The following COPA variants were observed in gnomAD, a reference collection of about 807,000 sequenced individuals.
COPA encodes coat protein complex I subunit alpha, also known as coatomer subunit alpha.
Under a neutral mutation model 158.7 loss-of-function variants are expected in COPA, and 10 were observed. The ratio of observed to expected loss-of-function variants is 0.06; its 90% confidence interval spans 0.04 to 0.11. The LOEUF is 0.11. COPA is among the 10% of genes least tolerant of loss of function. The pLI is 1.00. For missense variants in COPA, 1,065 were observed against 1,536.7 expected (o/e 0.69, Z 5.13); for synonymous variants, 462 against 542.8 (o/e 0.85, Z 2.07).
chr1:160,315,840 G>A (rs927306484), intron 8 of COPA, among the ~76,000 whole-genome samples: 1 of 152,010 alleles, frequency 6.6e-6, no homozygotes, highest in Admixed American at 6.6e-5. Flanking sequence ...AATTAAAACT[G>A]GTAGTTTAAA....
chr1:160,308,749 G>C (rs1488097937), intron 13 of COPA, among the ~76,000 whole-genome samples: 1 of 152,160 alleles, frequency 6.6e-6, no homozygotes, highest in East Asian at 1.9e-4. Context: ...CCTAGTCCCA[G>C]GATGAGGCAT....
intron 6 of COPA, among the ~76,000 whole-genome samples, chr1:160,325,860 A>G (rs1659474920): frequency 6.6e-6 from 1 of 152,210 alleles, no homozygotes; most frequent in African/African-American, 2.4e-5. Flanking sequence ...CTCCCTTAAC[A>G]CTTAAACAGA....
rs781156887 is a variant in COPA at position 160,292,216 on chromosome 1, G to T, written c.2961-18C>A. On this transcript the variant is annotated intron_variant, in intron 28 of 32. Transcript: ENST00000241704. Reference sequence around the variant, plus strand: ...CATCCTTCCTGGAAAGGGAAAAGTAGGAAGAAGACAGGATAGTCAGTAGGC... The same window carrying T: ...CATCCTTCCTGGAAAGGGAAAAGTATGAAGAAGACAGGATAGTCAGTAGGC... The T allele has an allele frequency of 1.0e-5, 16 of 1,606,166 alleles. No individual in the cohort carries two copies. Among genetic ancestry groups the T allele is most frequent in the African/African-American group, 4.0e-5 (3 of 74,660 alleles).
At chr1:160,327,772 C>G (rs1248825631) in intron 6 of COPA, among the ~76,000 whole-genome samples, 1 of 151,944 alleles carries the variant, frequency 6.6e-6, no homozygotes, top group East Asian at 1.9e-4. Flanking sequence ...GCAGGAGAAT[C>G]ACTTGAACCC....
intron 8 of COPA, among the ~76,000 whole-genome samples, chr1:160,320,112 G>A (rs1350125408): frequency 6.6e-6 from 1 of 151,952 alleles, no homozygotes; most frequent in Non-Finnish European, 1.5e-5. Context: ...TGAAAAGATA[G>A]TATCAACAAA....
chr1:160,318,730 A>G (rs1659241031), intron 8 of COPA, among the ~76,000 whole-genome samples: 1 of 152,048 alleles, frequency 6.6e-6, no homozygotes, highest in African/African-American at 2.4e-5. Context: ...AGTTAAATGT[A>G]TAATTTCTGA....
chr1:160,291,472 T>C lies in COPA; in HGVS notation c.3283A>G (p.Asn1095Asp). 1 of 1,613,886 alleles carries C rather than the reference T, an allele frequency of 6.2e-7. No individual in the cohort carries two copies. The highest frequency in any genetic ancestry group is 8.5e-7 in the Non-Finnish European group (1 of 1,179,850). The change falls in exon 31 of 33, where the codon AAC becomes GAC. Residue 1095 changes from asparagine (N) to aspartate (D), a missense_variant. Asn to Asp is a conservative substitution (Grantham distance 23). Transcript: ENST00000241704. ...AGGATCATGTGCACAGGCTGCAGGT[T>C]TGAGTGGGTGAAATAGGCTGCCATC... ...CEMAAYFTHS[N>D]LQPVHMILVL...
chr1:160,327,564 A>T (rs1329733533), intron 6 of COPA, among the ~76,000 whole-genome samples: 1 of 150,246 alleles, frequency 6.7e-6, no homozygotes, highest in Non-Finnish European at 1.5e-5. Flanking sequence ...GTCTCAAATT[A>T]AAAAAAAAGG....
chr1:160,298,147 C>A (rs1658475976), intron 19 of COPA, among the ~76,000 whole-genome samples: 1 of 151,292 alleles, frequency 6.6e-6, no homozygotes, highest in Middle Eastern at 3.2e-3. Flanking sequence ...TGCCATTGCA[C>A]TCCAGCCTGG....
intron 7 of COPA, among the ~76,000 whole-genome samples, chr1:160,324,199 T>C (rs1357428655): frequency 2.6e-5 from 4 of 151,982 alleles, no homozygotes; most frequent in African/African-American, 9.7e-5. Context: ...CTCAGTCTGG[T>C]CTTGAAGGAG....
intron 8 of COPA, among the ~76,000 whole-genome samples, chr1:160,314,802 G>C (rs1659082007): frequency 6.6e-6 from 1 of 151,904 alleles, no homozygotes; most frequent in Non-Finnish European, 1.5e-5. Flanking sequence ...TTCAGACAGG[G>C]GCCTTATCTG....
chr1:160,316,833 A>C (rs550237762), intron 8 of COPA, among the ~76,000 whole-genome samples: 1 of 152,184 alleles, frequency 6.6e-6, no homozygotes, highest in Non-Finnish European at 1.5e-5. Context: ...AGAAATAATT[A>C]CAGAAAATTT....
At chr1:160,304,457 A>G (rs1658715458) in intron 17 of COPA, among the ~76,000 whole-genome samples, 1 of 151,880 alleles carries the variant, frequency 6.6e-6, no homozygotes, top group Non-Finnish European at 1.5e-5. Context: ...CAAGGTCAAG[A>G]GCTCAAAACC....
chr1:160,332,813 T>C lies in COPA; in HGVS notation c.387-256A>G, dbSNP rs149608450. On this transcript the variant is annotated intron_variant, in intron 5 of 32. Coordinates refer to ENST00000241704, the MANE Select transcript of COPA (RefSeq NM_004371.4). ...GAGGACTAAGATTACATAGCTCTTC[T>C]CTCAAAAATATTTTAAAATATCAAA... Among the ~76,000 whole-genome samples, 3 of 152,346 alleles carry C rather than the reference T, an allele frequency of 2.0e-5. No homozygotes were observed. The East Asian group carries it at 5.8e-4, about 29-fold the overall frequency.
intron 10 of COPA, among the ~76,000 whole-genome samples, chr1:160,312,762 C>T (rs899323326): frequency 2.6e-5 from 4 of 152,228 alleles, no homozygotes; most frequent in Non-Finnish European, 4.4e-5. Flanking sequence ...CCTCTCACAA[C>T]ACAGTCTCTG....
At chr1:160,294,410 TAGGGGACAATA>T in intron 25 of COPA, 63 bp downstream of exon 25, 3 of 1,277,080 alleles carry the variant, frequency 2.3e-6, no homozygotes, top group Non-Finnish European at 3.4e-6. Context: ...AGGATAGTGG[TAGGGGACAATA>T]AGGCCTCTGG....
intron 11 of COPA, 60 bp from the exon 12 acceptor site, chr1:160,310,318 A>C: frequency 9.5e-7 from 1 of 1,052,348 alleles, no homozygotes. Context: ...AGAAGGAAGA[A>C]AGGAATCACC....
intron 9 of COPA, 107 bp from the exon 10 acceptor site, chr1:160,313,274 C>T: frequency 1.0e-6 from 1 of 976,898 alleles, no homozygotes; most frequent in Non-Finnish European, 1.6e-6. Flanking sequence ...AAATGTAAAT[C>T]AGGGAGAGTA....
In COPA at chr1:160,340,164, T is replaced by C; in HGVS notation, c.154+17A>G. The C allele has an allele frequency of 6.3e-7, 1 of 1,582,662 alleles. No individual in the cohort carries two copies. The highest frequency in any genetic ancestry group is 2.2e-5 in the East Asian group (1 of 44,710). On this transcript the variant is annotated intron_variant, in intron 2 of 32. Transcript: ENST00000241704. ...AAATACTTATACTCCTTTAACTTCC[T>C]CCTAGAAATATCTCACCATCATGTT... is the stretch of plus-strand genomic sequence containing the variant.
Sources: allele counts gnomAD v4.1 joint callset (sites outside exome capture counted in the v4.1 genomes callset), GRCh38; gene constraint gnomAD v4.1.1; transcripts MANE v1.5; gene names NCBI Gene and HGNC (gene_info 2026-07-23, HGNC 2026-07-21).